Variants in KNDC1 observed in about 807,000 individuals in gnomAD.
KNDC1 encodes kinase non-catalytic C-lobe domain containing 1, also known as kinase non-catalytic C-lobe domain-containing protein 1.
KNDC1 carries 106 observed loss-of-function variants against 172.8 expected under a neutral mutation model. That is an observed-to-expected ratio of 0.61 (90% CI 0.52 to 0.72). The LOEUF (loss-of-function observed/expected upper bound fraction) is 0.72. Ranked by LOEUF, KNDC1 falls within the 30% of genes least tolerant of loss-of-function variation. KNDC1 has a pLI of 0.00. For missense variants in KNDC1, 2,325 were observed against 2,394.5 expected (o/e 0.97, Z 0.61); for synonymous variants, 1,083 against 1,062.2 (o/e 1.02, Z -0.38).
rs764028518 is a variant in KNDC1, at chr10:133,224,777, G to T, written c.5137G>T (p.Asp1713Tyr). ...KQRIARFSGADISTLAADSRA... is the reference protein window; with the variant it reads ...KQRIARFSGAYISTLAADSRA... Reference sequence around the variant, plus strand: ...GAGGATTGCCCGCTTCAGCGGTGCCGACATTTCCACACTCGCCGCAGATAG... The same window carrying T: ...GAGGATTGCCCGCTTCAGCGGTGCCTACATTTCCACACTCGCCGCAGATAG... The change falls in exon 30 of 30, where the codon GAC becomes TAC. Residue 1713 changes from aspartate (D) to tyrosine (Y), a missense_variant. Transcript: ENST00000304613. This position sits in a 1 kb window ranked among gnomAD's most constrained non-coding sequence, Gnocchi z 5.4. The T allele has an allele frequency of 6.2e-7, 1 of 1,614,060 alleles. No homozygotes were observed. Among genetic ancestry groups the T allele is most frequent in the Non-Finnish European group, 8.5e-7 (1 of 1,180,010 alleles).
chr10:133,175,939 T>C (rs1231060753), intron 3 of KNDC1, among the ~76,000 whole-genome samples: 51 of 145,664 alleles, frequency 3.5e-4, no homozygotes, highest in African/African-American at 1.3e-3. Flanking sequence ...CATGGATGGA[T>C]GGGTGGGTGA....
At chr10:133,200,289 T>G in intron 15 of KNDC1, 86 bp from the exon 16 acceptor site, 1 of 999,530 alleles carries the variant, frequency 1.0e-6, no homozygotes, top group East Asian at 3.1e-5. Flanking sequence ...CGCATAGACG[T>G]GTGGGCCTGT....
chr10:133,211,285 C>T, intron 21 of KNDC1, 137 bp from the exon 22 acceptor site: 1 of 752,208 alleles, frequency 1.3e-6, no homozygotes, highest in Non-Finnish European at 2.1e-6. Flanking sequence ...CCACGGAAGA[C>T]CCCCAGCCCC....
At position 133,160,432 on chromosome 10, in the gene KNDC1, G is replaced by C; in HGVS notation, c.-36G>C. On this transcript the variant is annotated 5_prime_UTR_variant, in exon 1 of 30. Coordinates refer to ENST00000304613, the MANE Select transcript of KNDC1 (RefSeq NM_152643.8). ...TAGCCGAGCCCAGCCCAGCCCAGCC[G>C]GAGGCCCCGGGGGCGGTGCGCGGCG... 4 of 1,402,644 alleles carry C rather than the reference G, an allele frequency of 2.9e-6. No homozygotes were observed. In the South Asian group the frequency reaches 5.6e-5, roughly 20 times the overall value. The allele number at this position is 1,402,644 out of a possible 1,614,324, so 86.9% of individuals were successfully genotyped here. A position where few individuals can be genotyped will look rare whatever the true frequency, so the allele number is the denominator to read the frequency against.
At chr10:133,205,151 G>A (rs929491773) in intron 17 of KNDC1, among the ~76,000 whole-genome samples, 2 of 152,168 alleles carry the variant, frequency 1.3e-5, no homozygotes, top group African/African-American at 4.8e-5. Context: ...CCCATCCTCA[G>A]GGCGCCCCTC....
intron 21 of KNDC1, 86 bp downstream of exon 21, chr10:133,210,810 G>C (rs75115646): frequency 0.058 from 65,100 of 1,128,260 alleles, 2,231 homozygotes; most frequent in Non-Finnish European, 0.065. Flanking sequence ...CCACCATGAA[G>C]AACGAGGTGG....
At chr10:133,202,287 A>G in intron 17 of KNDC1, 1 of 508,616 alleles carries the variant, frequency 2.0e-6, no homozygotes, top group South Asian at 1.5e-5. Context: ...AGTGAAAGAA[A>G]ACACCAAAAA....
At chr10:133,193,619 GGAA>G (rs915238389) in intron 9 of KNDC1, among the ~76,000 whole-genome samples, 7 of 152,118 alleles carry the variant, frequency 4.6e-5, no homozygotes, top group Non-Finnish European at 8.8e-5. Flanking sequence ...GAAGAAGAAA[GGAA>G]GAAGATTGAC....
intron 17 of KNDC1, chr10:133,202,806 A>C (rs926684194): frequency 1.0e-5 from 4 of 383,532 alleles, no homozygotes; most frequent in Non-Finnish European, 2.1e-5. Flanking sequence ...GGGCCACGTG[A>C]AAGACCCGCA....
intron 5 of KNDC1, 143 bp downstream of exon 5, chr10:133,184,132 A>C (rs1312824094): frequency 8.2e-6 from 4 of 487,472 alleles, no homozygotes; most frequent in Admixed American, 3.5e-5. Flanking sequence ...CCATGCACAC[A>C]CATGCCACAC....
Position 133,218,848 on chromosome 10 carries a change from G to C in KNDC1, c.4695G>C (p.Leu1565=). The C allele has an allele frequency of 6.2e-7, 1 of 1,611,960 alleles. No individual in the cohort carries two copies. Among genetic ancestry groups the C allele is most frequent in the Non-Finnish European group, 8.5e-7 (1 of 1,178,216 alleles). ...SHTSKLQVNL[L]SKFLLIAKSC... ...TATTGCAGCTGCAGGTGAACTTGCTGTCCAAATTTTTGCTGATTGCAAAAT... is the reference window on the plus strand; with the variant it reads ...TATTGCAGCTGCAGGTGAACTTGCTCTCCAAATTTTTGCTGATTGCAAAAT... Residue 1565 remains leucine, a synonymous_variant, in exon 27 of 30, where the codon CTG becomes CTC. Coordinates refer to ENST00000304613, the MANE Select transcript of KNDC1 (RefSeq NM_152643.8).
intron 23 of KNDC1, 117 bp downstream of exon 23, chr10:133,211,975 A>C (rs1845376467): frequency 6.2e-6 from 6 of 967,144 alleles, no homozygotes; most frequent in Non-Finnish European, 9.1e-6. Context: ...AAATGGGCAC[A>C]GCTGTATACA....
intron 3 of KNDC1, among the ~76,000 whole-genome samples, chr10:133,182,838 G>A (rs1210785005): frequency 6.6e-6 from 1 of 152,212 alleles, no homozygotes; most frequent in South Asian, 2.1e-4. Flanking sequence ...GGCGCGGGCA[G>A]TGTGGGCGCA....
intron 3 of KNDC1, among the ~76,000 whole-genome samples, chr10:133,176,765 G>A (rs1415283154): frequency 1.3e-5 from 2 of 152,210 alleles, no homozygotes; most frequent in African/African-American, 4.8e-5. Flanking sequence ...ATCCCCTGGA[G>A]ACCGGGGCTG....
In KNDC1 at chr10:133,217,488, C is replaced by T. The variant is rs193075401; in HGVS notation, c.4678-1343C>T. ...CTCTAATCCCAGCACTTTGGGAGTC[C>T]GAGGCGGGCAGATCACGAGGTCAGG... On this transcript the variant is annotated intron_variant, in intron 26 of 29. Coordinates refer to ENST00000304613, the MANE Select transcript of KNDC1 (RefSeq NM_152643.8). 3.6e-3 allele frequency among the ~76,000 whole-genome samples: 547 copies of T among 152,080 alleles called. 4 individuals carry two copies. Among genetic ancestry groups the T allele is most frequent in the African/African-American group, 0.012 (488 of 41,432 alleles).
chr10:133,205,413 C>T (rs933006722), intron 17 of KNDC1, among the ~76,000 whole-genome samples: 1 of 152,264 alleles, frequency 6.6e-6, no homozygotes, highest in Admixed American at 6.5e-5. Flanking sequence ...ATGGCGACAG[C>T]CCTGGGGATG....
At chr10:133,206,114 C>T (rs1431531026) in intron 17 of KNDC1, among the ~76,000 whole-genome samples, 5 of 152,074 alleles carry the variant, frequency 3.3e-5, no homozygotes, top group African/African-American at 2.4e-5. Flanking sequence ...GCAGGAGAAT[C>T]GCTTGAACCT....
chr10:133,203,644 G>A (rs952956806), intron 17 of KNDC1, among the ~76,000 whole-genome samples: 6 of 152,188 alleles, frequency 3.9e-5, no homozygotes, highest in Non-Finnish European at 7.3e-5. Context: ...TGGCATCCGC[G>A]TCTCCTGCTG....
chr10:133,181,145 TGGGGCACCCACTGACGCCACAC>T (rs1470480138), intron 3 of KNDC1, among the ~76,000 whole-genome samples: 120 of 151,178 alleles, frequency 7.9e-4, no homozygotes, highest in African/African-American at 2.6e-3. Context: ...TGACGCCACA[TGGGGCACCCACTGACGCCACAC>T]GGGGCACCCA....
Sources: allele counts gnomAD v4.1 joint callset (sites outside exome capture counted in the v4.1 genomes callset), GRCh38; gene constraint gnomAD v4.1.1; non-coding constraint Gnocchi (gnomAD v3.1); transcripts MANE v1.5; gene names NCBI Gene and HGNC (gene_info 2026-07-23, HGNC 2026-07-21).